The following STRA8 variants were observed in gnomAD, a reference collection of about 807,000 sequenced individuals.
STRA8 encodes stimulated by retinoic acid 8.
STRA8 carries 18 observed loss-of-function variants against 37.1 expected under a neutral mutation model. That is an observed-to-expected ratio of 0.48 (90% confidence interval 0.34 to 0.72). STRA8 has a LOEUF of 0.72. STRA8 is among the 30% of genes least tolerant of loss of function. The probability of loss-of-function intolerance (pLI) is 0.01; values close to 1 mark genes in which losing one functional copy is unlikely to be tolerated. For synonymous variants in STRA8, 168 were observed against 162.9 expected, an observed-to-expected ratio of 1.03 and a Z score of -0.24; for missense variants, 357 against 410.4, an observed-to-expected ratio of 0.87 and a Z score of 1.13.
intron 1 of STRA8, among the ~76,000 whole-genome samples, chr7:135,236,310 G>C (rs1038946071): frequency 6.6e-6 from 1 of 151,808 alleles, no homozygotes; most frequent in African/African-American, 2.4e-5. Flanking sequence ...GTGAACTAGA[G>C]AGATTTCTTG....
At chr7:135,251,769 C>T (rs1832637179) in intron 6 of STRA8, 27 bp from the exon 7 acceptor site, 1 of 1,612,654 alleles carries the variant, frequency 6.2e-7, no homozygotes. Flanking sequence ...TTATTTCCAA[C>T]ACATGAAGTG....
chr7:135,258,274 C>T, intron 8 of STRA8, 144 bp from the exon 9 acceptor site: 2 of 598,656 alleles, frequency 3.3e-6, no homozygotes, highest in Non-Finnish European at 5.7e-6. Flanking sequence ...CTTCCTGGCC[C>T]AAGCTGGAGG....
chr7:135,236,984 A>C (rs897809487), intron 1 of STRA8, among the ~76,000 whole-genome samples: 3 of 152,208 alleles, frequency 2.0e-5, no homozygotes, highest in Non-Finnish European at 2.9e-5. Flanking sequence ...GATTTTTCTT[A>C]GTTGTTGCCA....
rs1379271588 is a variant in STRA8 at position 135,245,285 on chromosome 7, C to A, written c.354-3C>A. On this transcript the variant is annotated splice_region_variant and splice_polypyrimidine_tract_variant and intron_variant, in intron 4 of 8. Coordinates refer to ENST00000662584, the MANE Select transcript of STRA8 (RefSeq NM_001394401.1). The stretch of plus-strand genomic sequence containing the variant: ...GTTGTCTTGTTTCTGTTTTCTTTCC[C>A]AGCCTGCTTTCAAACAGTTTTCCTC... The A allele has an allele frequency of 1.3e-6, 1 of 780,880 alleles. No individual in the cohort carries two copies. The highest frequency in any genetic ancestry group is 1.7e-5 in the African/African-American group (1 of 59,196). The allele number at this position is 780,880 out of a possible 1,614,324, so 48.4% of individuals were successfully genotyped here.
chr7:135,257,910 A>G (rs553540949), intron 8 of STRA8, among the ~76,000 whole-genome samples: 9 of 152,322 alleles, frequency 5.9e-5, no homozygotes, highest in African/African-American at 2.2e-4. Context: ...TCATCCAAAG[A>G]TATTCTACAG....
At chr7:135,249,723 T>C (rs1832612430) in intron 6 of STRA8, among the ~76,000 whole-genome samples, 1 of 152,260 alleles carries the variant, frequency 6.6e-6, no homozygotes. Flanking sequence ...TGACAGTATC[T>C]ACCAAATGCC....
rs1832536368 is a variant in STRA8, at chr7:135,245,486, C to T, written c.552C>T (p.Tyr184=). The change falls in exon 5 of 9, where the codon TAC becomes TAT. Residue 184 remains tyrosine (Y), a synonymous_variant. Transcript: ENST00000662584. ...EEEEEKKVIL[Y]SPGTLSPDLM... is the part of the protein sequence containing the mutation. ...AAGAGGAGAAAAAAGTGATCTTATA[C>T]TCCCCAGGAACTTTGTCGCCTGACC... 6.6e-6 allele frequency among the ~76,000 whole-genome samples: 1 copy of T among 152,110 alleles called. No individual in the cohort carries two copies. Among genetic ancestry groups the T allele is most frequent in the Admixed American group, 6.5e-5 (1 of 15,278 alleles).
intron 6 of STRA8, among the ~76,000 whole-genome samples, chr7:135,251,347 G>A (rs1021239560): frequency 6.6e-6 from 1 of 152,156 alleles, no homozygotes. Context: ...TGGCCTGCCT[G>A]CAGCCTAACC....
intron 1 of STRA8, among the ~76,000 whole-genome samples, chr7:135,236,611 C>T (rs1832382226): frequency 6.6e-6 from 1 of 152,156 alleles, no homozygotes; most frequent in Non-Finnish European, 1.5e-5. Flanking sequence ...CCTATATAAT[C>T]TTCACTACCT....
Position 135,246,104 on chromosome 7 carries a change from A to T in STRA8, c.594-313A>T. ...CATTCATGGGCTCAGAATTTTCAAG[A>T]ATATTCCCTTAGGATGAGAGCTGAG... is the stretch of plus-strand genomic sequence containing the variant. On this transcript the variant is annotated intron_variant, in intron 5 of 8. Coordinates refer to ENST00000662584, the MANE Select transcript of STRA8 (RefSeq NM_001394401.1). This position sits in a 1 kb window ranked among gnomAD's most constrained non-coding sequence, Gnocchi z 5.4. 2 of 391,776 alleles carry T rather than the reference A, an allele frequency of 5.1e-6. No homozygotes were observed. Among genetic ancestry groups the T allele is most frequent in the Non-Finnish European group, 9.3e-6 (2 of 214,556 alleles). The allele number at this position is 391,776 out of a possible 1,614,324, so 24.3% of individuals were successfully genotyped here. A position where few individuals can be genotyped will look rare whatever the true frequency, so the allele number is the denominator to read the frequency against.
chr7:135,248,871 C>T (rs765574698), intron 6 of STRA8, among the ~76,000 whole-genome samples: 14 of 152,200 alleles, frequency 9.2e-5, no homozygotes, highest in Non-Finnish European at 1.6e-4. Context: ...CCCCGACCCC[C>T]GAACATGGGT....
chr7:135,247,011 AT>A, intron 6 of STRA8: 5 of 290,880 alleles, frequency 1.7e-5, no homozygotes, highest in Non-Finnish European at 1.9e-5. Flanking sequence ...CGCCCGGCTA[AT>A]TTTTTTGTAT....
intron 4 of STRA8, among the ~76,000 whole-genome samples, chr7:135,244,971 A>C (rs1168762668): frequency 6.6e-6 from 1 of 152,208 alleles, no homozygotes; most frequent in Non-Finnish European, 1.5e-5. Context: ...TTATCAGGTT[A>C]ACAAAGCTCC....
In STRA8 at chr7:135,258,638, T is replaced by G. The variant is rs1832737119; in HGVS notation, c.*146T>G. ...GAAGCATTTTGATGATTTTAGTTTC[T>G]GATTATTATAAAGTATAAGAGAAGC... On this transcript the variant is annotated 3_prime_UTR_variant, in exon 9 of 9. Coordinates refer to ENST00000662584, the MANE Select transcript of STRA8 (RefSeq NM_001394401.1). The G allele has an allele frequency of 4.6e-6, 3 of 649,722 alleles. No individual in the cohort carries two copies. Among genetic ancestry groups the G allele is most frequent in the South Asian group, 3.9e-5 (2 of 50,774 alleles). 40.2% of individuals were successfully genotyped at this position (649,722 alleles called of 1,614,324 possible).
intron 7 of STRA8, 144 bp downstream of exon 7, chr7:135,252,013 A>AGTGTGTGTGTGT (rs59621186): frequency 0.016 from 7,909 of 504,174 alleles, 84 homozygotes; most frequent in African/African-American, 0.025. Flanking sequence ...AGAGAGAGAG[A>AGTGTGTGTGTGT]GTGTGTGTGT....
intron 1 of STRA8, among the ~76,000 whole-genome samples, chr7:135,240,202 C>T (rs1832439731): frequency 6.6e-6 from 1 of 152,178 alleles, no homozygotes; most frequent in Non-Finnish European, 1.5e-5. Context: ...GGCCCCTCAA[C>T]TCTTAAGTCC....
chr7:135,251,996 C>CGG (rs1247171194), intron 7 of STRA8, 127 bp downstream of exon 7: 2 of 735,546 alleles, frequency 2.7e-6, no homozygotes, highest in African/African-American at 5.7e-5. Context: ...AGAGAGGAGA[C>CGG]AGAGGGAGAG....
intron 1 of STRA8, among the ~76,000 whole-genome samples, chr7:135,238,950 C>A (rs926201229): frequency 3.9e-5 from 6 of 152,216 alleles, no homozygotes; most frequent in African/African-American, 1.4e-4. Context: ...GTGACAGAGA[C>A]ATGCACGGAC....
intron 1 of STRA8, among the ~76,000 whole-genome samples, chr7:135,235,880 A>T (rs781306214): frequency 6.6e-6 from 1 of 152,156 alleles, no homozygotes. Context: ...AGGCCAAGAT[A>T]GGAGGATCAT....
Sources: allele counts gnomAD v4.1 joint callset (sites outside exome capture counted in the v4.1 genomes callset), GRCh38; gene constraint gnomAD v4.1.1; non-coding constraint Gnocchi (gnomAD v3.1); transcripts MANE v1.5; gene names NCBI Gene and HGNC (gene_info 2026-07-23, HGNC 2026-07-21).